STAC2: variants seen among roughly 807,000 people sequenced by gnomAD.
STAC2 encodes SH3 and cysteine rich domain 2, also known as SH3 and cysteine-rich domain-containing protein 2.
In STAC2, 36 loss-of-function variants were observed where a neutral mutation model predicts 49.0. The ratio of observed to expected loss-of-function variants is 0.74; its 90% CI spans 0.56 to 0.97. The LOEUF (loss-of-function observed/expected upper bound fraction) is 0.97. Among genes scored for constraint, STAC2 ranks in the 50% least tolerant of loss-of-function variants. The pLI, the probability that STAC2 is intolerant of heterozygous loss-of-function variation, is 0.00. For synonymous variants in STAC2, 239 were observed against 214.7 expected, an observed-to-expected ratio of 1.11 and a Z score of -0.99; for missense variants, 527 against 543.8, an observed-to-expected ratio of 0.97 and a Z score of 0.31.
chr17:39,214,404 G>A (rs2046382819), intron 7 of STAC2, 74 bp from the exon 8 acceptor site: 1 of 1,600,250 alleles, frequency 6.2e-7, no homozygotes, highest in Non-Finnish European at 8.5e-7. Flanking sequence ...CGCTCTGAGT[G>A]TGCTACCCTG....
chr17:39,211,937 G>A lies in STAC2; in HGVS notation c.*355C>T, dbSNP rs2046357624. On this transcript the variant is annotated 3_prime_UTR_variant, in exon 11 of 11. Coordinates refer to ENST00000333461, the MANE Select transcript of STAC2 (RefSeq NM_198993.5). The stretch of plus-strand genomic sequence containing the variant: ...GCATGCGCAGGTGGTGTGGGCAGGG[G>A]AAGGCTGGGAGAAGCAGCAAATAAA... 8.8e-6 allele frequency: 2 copies of A among 227,406 alleles called. No individual in the cohort carries two copies. The highest frequency in any genetic ancestry group is 2.4e-4 in the East Asian group (2 of 8,434). 14.1% of individuals were successfully genotyped at this position (227,406 alleles called of 1,614,324 possible).
chr17:39,213,672 CTTT>C (rs767714627), intron 8 of STAC2, 114 bp from the exon 9 acceptor site: 3,448 of 370,916 alleles, frequency 9.3e-3, no homozygotes, highest in South Asian at 0.012. Flanking sequence ...AGAGACGATT[CTTT>C]TTTTTTTTTT....
intron 10 of STAC2, 90 bp downstream of exon 10, chr17:39,212,905 T>C: frequency 6.4e-7 from 1 of 1,550,824 alleles, no homozygotes; most frequent in South Asian, 1.2e-5. Context: ...AGCCTCCTCC[T>C]GCAGAGCATT....
intron 1 of STAC2, among the ~76,000 whole-genome samples, chr17:39,219,240 TTTCTCAATTCATTGAGAATTGAGAA>T (rs1250810852): frequency 1.3e-5 from 2 of 149,978 alleles, no homozygotes. Flanking sequence ...CAGAAACTCA[TTTCTCAATTCATTGAGAATTGAGAA>T]TCCTCAATTC....
intron 2 of STAC2, 92 bp from the exon 3 acceptor site, chr17:39,217,265 G>A (rs2046414054): frequency 1.5e-6 from 2 of 1,298,730 alleles, no homozygotes; most frequent in African/African-American, 2.9e-5. Flanking sequence ...GCAGGGGTTG[G>A]GCATTCTCAT....
chr17:39,225,517 G>A lies in STAC2; in HGVS notation c.-15C>T. The A allele has an allele frequency of 6.2e-7, 1 of 1,609,136 alleles. No homozygotes were observed. Among genetic ancestry groups the A allele is most frequent in the Non-Finnish European group, 8.5e-7 (1 of 1,178,398 alleles). On this transcript the variant is annotated 5_prime_UTR_variant, in exon 1 of 11. Transcript: ENST00000333461. The surrounding 1 kb of genome is among the most constrained non-coding windows in gnomAD (Gnocchi z 8.2). Reference sequence around the variant, plus strand: ...ATCTCGGTCATGGTTCGGGGAGAGGGGAGGAGAGGGTGCCGAGATCCGACG... The same window carrying A: ...ATCTCGGTCATGGTTCGGGGAGAGGAGAGGAGAGGGTGCCGAGATCCGACG...
At chr17:39,221,716 A>G (rs1253384376) in intron 1 of STAC2, among the ~76,000 whole-genome samples, 1 of 152,072 alleles carries the variant, frequency 6.6e-6, no homozygotes, top group East Asian at 1.9e-4. Context: ...TGAGCCCTGC[A>G]TGGGCCTCAC....
Position 39,225,354 on chromosome 17 carries a change from C to A in STAC2, c.90+59G>T. 6.8e-7 allele frequency: 1 copy of A among 1,477,348 alleles called. No individual in the cohort carries two copies. The highest frequency in any genetic ancestry group is 9.1e-7 in the Non-Finnish European group (1 of 1,101,762). 91.5% of individuals were successfully genotyped at this position (1,477,348 alleles called of 1,614,324 possible). A position where few individuals can be genotyped will look rare whatever the true frequency, so the allele number is the denominator to read the frequency against. On this transcript the variant is annotated intron_variant, in intron 1 of 10. Transcript: ENST00000333461. The surrounding 1 kb of genome is among the most constrained non-coding windows in gnomAD (Gnocchi z 8.2). ...GACGCCCGGGCCCACAGGAGGACCC[C>A]GCCGGGAAGAGGGCGCCCGGGCCCG... is the stretch of plus-strand genomic sequence containing the variant.
Position 39,213,133 on chromosome 17 carries a change from C to T in STAC2, c.994-1G>A. The T allele has an allele frequency of 6.2e-7, 1 of 1,606,440 alleles. No homozygotes were observed. Among genetic ancestry groups the T allele is most frequent in the Non-Finnish European group, 8.5e-7 (1 of 1,179,964 alleles). On this transcript the variant is annotated splice_acceptor_variant, in intron 9 of 10. Transcript: ENST00000333461. LOFTEE classifies it high-confidence loss of function. ...AGCCAACCCGGTCGCCGATCTTGCC[C>T]TGGGGATGAGGTTGGCAATGAACAC...
chr17:39,225,098 C>G lies in STAC2; in HGVS notation c.90+315G>C, dbSNP rs1384453932. ...GGAGGGTGCGCCTCGCACGCACAGC[C>G]GGGCGCGTACCCCGCCCGCACCGCT... On this transcript the variant is annotated intron_variant, in intron 1 of 10. Transcript: ENST00000333461. The surrounding 1 kb of genome is among the most constrained non-coding windows in gnomAD (Gnocchi z 8.2). Among the ~76,000 whole-genome samples the G allele has an allele frequency of 3.9e-5, 6 of 152,180 alleles. No homozygotes were observed. The East Asian group carries it at 1.2e-3, about 30-fold the overall frequency.
chr17:39,215,592 G>GA (rs1284515266), intron 4 of STAC2, among the ~76,000 whole-genome samples: 26 of 152,266 alleles, frequency 1.7e-4, no homozygotes, highest in African/African-American at 6.0e-4. Context: ...CTCTAGCCCT[G>GA]CCAGTCCACA....
At chr17:39,212,518 G>C in intron 10 of STAC2, 122 bp from the exon 11 acceptor site, 1 of 709,686 alleles carries the variant, frequency 1.4e-6, no homozygotes, top group Non-Finnish European at 2.4e-6. Flanking sequence ...GATGTGGATG[G>C]AGCCCTTTGC....
chr17:39,214,688 A>G, intron 7 of STAC2, 103 bp downstream of exon 7: 2 of 1,359,082 alleles, frequency 1.5e-6, no homozygotes, highest in Non-Finnish European at 2.0e-6. Flanking sequence ...GAAGCAGTGA[A>G]TCCCCACGCA....
rs147148596 is a variant in STAC2, at chr17:39,218,653, C to A, written c.91-480G>T. Among the ~76,000 whole-genome samples the A allele has an allele frequency of 3.5e-4, 53 of 151,952 alleles. No individual in the cohort carries two copies. In the East Asian group the frequency reaches 9.7e-3, roughly 28 times the overall value. On this transcript the variant is annotated intron_variant, in intron 1 of 10. Transcript: ENST00000333461. Reference sequence around the variant, plus strand: ...TTGCTTTTTTTCATAAACAGTAAATCTTGGAAATCATTCCATACCCATACA... The same window carrying A: ...TTGCTTTTTTTCATAAACAGTAAATATTGGAAATCATTCCATACCCATACA...
chr17:39,214,468 C>A, intron 7 of STAC2, 138 bp from the exon 8 acceptor site: 1 of 1,483,896 alleles, frequency 6.7e-7, no homozygotes, highest in South Asian at 1.3e-5. Flanking sequence ...AGAAGTGAGA[C>A]CCTCGTACAT....
chr17:39,217,795 C>A, intron 2 of STAC2, 72 bp downstream of exon 2: 4 of 1,460,484 alleles, frequency 2.7e-6, no homozygotes, highest in Non-Finnish European at 3.7e-6. Context: ...TAATATTGGG[C>A]GCAACATGAG....
At chr17:39,223,060 G>T (rs1209954173) in intron 1 of STAC2, among the ~76,000 whole-genome samples, 1 of 152,200 alleles carries the variant, frequency 6.6e-6, no homozygotes, top group African/African-American at 2.4e-5. Context: ...TGGCTTGGGT[G>T]CAGGGCTGAT....
chr17:39,216,083 C>T (rs528261179), intron 4 of STAC2, among the ~76,000 whole-genome samples: 171 of 152,194 alleles, frequency 1.1e-3, no homozygotes, highest in Non-Finnish European at 2.2e-3. Context: ...ATGAACCCCT[C>T]ATGCCTCATC....
chr17:39,224,547 C>T (rs2064812675), intron 1 of STAC2, among the ~76,000 whole-genome samples: 1 of 152,264 alleles, frequency 6.6e-6, no homozygotes, highest in Non-Finnish European at 1.5e-5. Flanking sequence ...CTTTCAGCGC[C>T]AGGAGTCTGG....
Sources: allele counts gnomAD v4.1 joint callset (sites outside exome capture counted in the v4.1 genomes callset), GRCh38; gene constraint gnomAD v4.1.1; non-coding constraint Gnocchi (gnomAD v3.1); transcripts MANE v1.5; gene names NCBI Gene and HGNC (gene_info 2026-07-23, HGNC 2026-07-21).